Variants in GRB14 observed in about 807,000 individuals in gnomAD.
GRB14 encodes the protein growth factor receptor-bound protein 14.
In GRB14, 38 loss-of-function variants were observed where a neutral mutation model predicts 69.1. The observed-to-expected ratio is 0.55, with a 90% confidence interval of 0.42 to 0.72. The LOEUF is 0.72. Among genes scored for constraint, GRB14 ranks in the 30% least tolerant of loss-of-function variants. GRB14 has a pLI of 0.00. For missense variants in GRB14, 666 were observed against 666.1 expected, an observed-to-expected ratio of 1.00 and a Z score of 0.00; for synonymous variants, 247 against 241.3, an observed-to-expected ratio of 1.02 and a Z score of -0.22.
At chr2:164,528,114 A>C (rs974176570) in intron 3 of GRB14, among the ~76,000 whole-genome samples, 6 of 152,090 alleles carry the variant, frequency 3.9e-5, no homozygotes, top group African/African-American at 1.4e-4. Flanking sequence ...GGTTCAAAAC[A>C]GCAAAATTAA....
chr2:164,607,533 G>A (rs1226348881), intron 2 of GRB14, among the ~76,000 whole-genome samples: 1 of 152,196 alleles, frequency 6.6e-6, no homozygotes, highest in African/African-American at 2.4e-5. Context: ...AAGCACACAG[G>A]TGGTGGAAGG....
At chr2:164,556,214 C>A (rs1688674745) in intron 2 of GRB14, among the ~76,000 whole-genome samples, 1 of 152,108 alleles carries the variant, frequency 6.6e-6, no homozygotes, top group Non-Finnish European at 1.5e-5. Context: ...CTCCAAAAGA[C>A]CCTAACAGCT....
At chr2:164,557,166 G>A (rs1292345201) in intron 2 of GRB14, among the ~76,000 whole-genome samples, 1 of 152,164 alleles carries the variant, frequency 6.6e-6, no homozygotes, top group Non-Finnish European at 1.5e-5. Flanking sequence ...ACATACTGAG[G>A]AAGAAAGGAG....
chr2:164,535,432 T>C (rs1266663997), intron 3 of GRB14, among the ~76,000 whole-genome samples: 1 of 152,218 alleles, frequency 6.6e-6, no homozygotes, highest in Admixed American at 6.5e-5. Context: ...ATTTCTTTGC[T>C]GAATCTACTG....
intron 2 of GRB14, among the ~76,000 whole-genome samples, chr2:164,562,420 A>C (rs1396622750): frequency 4.6e-5 from 7 of 152,194 alleles, no homozygotes; most frequent in Non-Finnish European, 1.5e-5. Context: ...AGTTACAGAA[A>C]GGAAAGCAGT....
intron 6 of GRB14, among the ~76,000 whole-genome samples, chr2:164,512,900 C>G (rs1224470636): frequency 6.6e-6 from 1 of 152,174 alleles, no homozygotes; most frequent in Non-Finnish European, 1.5e-5. Flanking sequence ...TAAAACATAT[C>G]CAGAACTAAG....
At chr2:164,553,731 A>G (rs1029877343) in intron 2 of GRB14, among the ~76,000 whole-genome samples, 2 of 152,104 alleles carry the variant, frequency 1.3e-5, no homozygotes, top group African/African-American at 4.8e-5. Context: ...TTGGGAGGCC[A>G]AGGCGGGCAG....
At chr2:164,600,058 T>C (rs759920644) in intron 2 of GRB14, among the ~76,000 whole-genome samples, 1 of 152,196 alleles carries the variant, frequency 6.6e-6, no homozygotes, top group Non-Finnish European at 1.5e-5. Flanking sequence ...AAATTGATAA[T>C]GCAACCTAGA....
At chr2:164,566,914 T>C (rs1168757471) in intron 2 of GRB14, among the ~76,000 whole-genome samples, 1 of 152,054 alleles carries the variant, frequency 6.6e-6, no homozygotes, top group Non-Finnish European at 1.5e-5. Context: ...GGCTAGTAAA[T>C]GGAGAGTCCA....
At chr2:164,541,176 T>C (rs1056700587) in intron 3 of GRB14, among the ~76,000 whole-genome samples, 1 of 152,082 alleles carries the variant, frequency 6.6e-6, no homozygotes, top group Non-Finnish European at 1.5e-5. Flanking sequence ...AAATATTTTT[T>C]AAAATAATAG....
Position 164,549,718 on chromosome 2 carries a change from G to T in GRB14, c.325-1902C>A, listed in dbSNP as rs558302580. 1.3e-4 allele frequency among the ~76,000 whole-genome samples: 20 copies of T among 152,006 alleles called. No homozygotes were observed. In the East Asian group the frequency reaches 3.1e-3, roughly 24 times the overall value. On this transcript the variant is annotated intron_variant, in intron 2 of 13. Transcript: ENST00000263915. ...TCTCCACTAAAAATATAAAAAATTAGCTGGGCATGGTGGTACATGCCTGTA... is the reference window on the plus strand; with the variant it reads ...TCTCCACTAAAAATATAAAAAATTATCTGGGCATGGTGGTACATGCCTGTA...
rs988023401 is a variant in GRB14 at position 164,620,079 on chromosome 2, C to A, written c.192-260G>T. On this transcript the variant is annotated intron_variant, in intron 1 of 13. Coordinates refer to ENST00000263915, the MANE Select transcript of GRB14 (RefSeq NM_004490.3). Reference sequence around the variant, plus strand: ...CTCTCTCTCCCCTCCCACCACCCCTCCCCCCCCCACCGCCTTCTCTCTCTC... The same window carrying A: ...CTCTCTCTCCCCTCCCACCACCCCTACCCCCCCCACCGCCTTCTCTCTCTC... The A allele has an allele frequency of 1.8e-4, 23 of 129,818 alleles. 3 individuals carry two copies. Among genetic ancestry groups the A allele is most frequent in the African/African-American group, 1.0e-3 (10 of 9,690 alleles). The allele number at this position is 129,818 out of a possible 1,614,324, so 8.0% of individuals were successfully genotyped here. A position where few individuals can be genotyped will look rare whatever the true frequency, so the allele number is the denominator to read the frequency against.
At chr2:164,523,322 T>G (rs1687683218) in intron 5 of GRB14, among the ~76,000 whole-genome samples, 1 of 152,010 alleles carries the variant, frequency 6.6e-6, no homozygotes, top group South Asian at 2.1e-4. Context: ...GGGCATGTGT[T>G]GGTCAAGAAA....
At chr2:164,550,093 G>A (rs1688497568) in intron 2 of GRB14, among the ~76,000 whole-genome samples, 1 of 152,190 alleles carries the variant, frequency 6.6e-6, no homozygotes, top group East Asian at 1.9e-4. Flanking sequence ...TTGGCCAGAT[G>A]TTCACCCAAT....
intron 3 of GRB14, among the ~76,000 whole-genome samples, chr2:164,541,062 A>T (rs1419888587): frequency 5.3e-5 from 8 of 152,236 alleles, no homozygotes; most frequent in African/African-American, 1.7e-4. Context: ...AAAGAGTTTT[A>T]AAAAATGTTA....
chr2:164,550,693 A>G (rs1688512014), intron 2 of GRB14, among the ~76,000 whole-genome samples: 1 of 152,148 alleles, frequency 6.6e-6, no homozygotes, highest in Admixed American at 6.5e-5. Context: ...GCAAAGCATT[A>G]TGTGTCATTC....
intron 2 of GRB14, among the ~76,000 whole-genome samples, chr2:164,618,192 T>C (rs895613114): frequency 1.3e-5 from 2 of 152,012 alleles, no homozygotes; most frequent in Admixed American, 6.6e-5. Context: ...GTCTCAATCT[T>C]CAGACTTCGT....
intron 2 of GRB14, among the ~76,000 whole-genome samples, chr2:164,570,146 G>T (rs1469999604): frequency 6.6e-6 from 1 of 151,630 alleles, no homozygotes; most frequent in African/African-American, 2.4e-5. Context: ...ATGGTGGCAC[G>T]TGCCTGTAGT....
chr2:164,519,774 T>A (rs1687590340), intron 6 of GRB14, among the ~76,000 whole-genome samples: 1 of 150,930 alleles, frequency 6.6e-6, no homozygotes, highest in African/African-American at 2.4e-5. Context: ...GTAAAAAAAA[T>A]AAAATAAAAT....
Sources: allele counts gnomAD v4.1 joint callset (sites outside exome capture counted in the v4.1 genomes callset), GRCh38; gene constraint gnomAD v4.1.1; transcripts MANE v1.5; gene names NCBI Gene and HGNC (gene_info 2026-07-23, HGNC 2026-07-21).